Variants in PRKCH observed in about 807,000 individuals in gnomAD.
The protein encoded by PRKCH is protein kinase C eta.
Under a neutral mutation model 82.5 loss-of-function variants are expected in PRKCH, and 28 were observed. The observed-to-expected ratio is 0.34, with a 90% CI of 0.25 to 0.47. PRKCH has a LOEUF of 0.47. Among genes scored for constraint, PRKCH ranks in the 20% least tolerant of loss-of-function variants. PRKCH has a pLI of 1.00. For missense variants in PRKCH, 705 were observed against 881.8 expected (o/e 0.80, Z 2.54); for synonymous variants, 322 against 327.4 (o/e 0.98, Z 0.18).
intron 1 of PRKCH, among the ~76,000 whole-genome samples, chr14:61,376,431 G>C (rs990669675): frequency 2.0e-5 from 3 of 151,986 alleles, no homozygotes; most frequent in African/African-American, 7.3e-5. Context: ...TTATCTTTTT[G>C]TCACACATTT....
intron 1 of PRKCH, among the ~76,000 whole-genome samples, chr14:61,236,727 AAAAAG>A (rs1377923588): frequency 8.5e-6 from 1 of 118,286 alleles, no homozygotes; most frequent in Non-Finnish European, 1.8e-5. Context: ...AAAAAAAAAA[AAAAAG>A]AAAAGAAATG....
intron 1 of PRKCH, among the ~76,000 whole-genome samples, chr14:61,265,864 G>A (rs901038042): frequency 6.6e-6 from 1 of 152,174 alleles, no homozygotes; most frequent in Non-Finnish European, 1.5e-5. Context: ...GAAGGATGAG[G>A]TAGGAGGATC....
At chr14:61,442,346 C>T (rs1013266946) in intron 2 of PRKCH, among the ~76,000 whole-genome samples, 4 of 152,170 alleles carry the variant, frequency 2.6e-5, no homozygotes, top group Admixed American at 2.0e-4. Flanking sequence ...CAGAGGTGAT[C>T]CTGTACCAAT....
intron 1 of PRKCH, among the ~76,000 whole-genome samples, chr14:61,222,077 T>C (rs2044660535): frequency 6.6e-6 from 1 of 152,208 alleles, no homozygotes; most frequent in East Asian, 1.9e-4. Flanking sequence ...CAAAGAGTGC[T>C]GACGCCTGCC....
chr14:61,517,687 C>T (rs750272296), intron 10 of PRKCH, among the ~76,000 whole-genome samples: 1 of 152,188 alleles, frequency 6.6e-6, no homozygotes, highest in Non-Finnish European at 1.5e-5. Context: ...GCCATGTGTC[C>T]AACATAAAGC....
At chr14:61,256,614 G>A (rs1024375541) in intron 1 of PRKCH, among the ~76,000 whole-genome samples, 2 of 152,108 alleles carry the variant, frequency 1.3e-5, no homozygotes, top group African/African-American at 2.4e-5. Flanking sequence ...ATTAATTCAG[G>A]ATTTTCTTTG....
intron 1 of PRKCH, among the ~76,000 whole-genome samples, chr14:61,257,650 C>A (rs374505618): frequency 6.6e-6 from 1 of 150,944 alleles, no homozygotes; most frequent in Non-Finnish European, 1.5e-5. Context: ...CACACACACA[C>A]GCATACACAC....
chr14:61,202,534 G>T (rs531116854), intron 1 of PRKCH, among the ~76,000 whole-genome samples: 167 of 152,288 alleles, frequency 1.1e-3, no homozygotes, highest in African/African-American at 3.8e-3. Flanking sequence ...AAAGCAGTTG[G>T]CACCTCTAGG....
chr14:61,503,354 C>A (rs2245209), intron 10 of PRKCH, among the ~76,000 whole-genome samples: 129,456 of 151,284 alleles, frequency 0.86, 55,407 homozygotes, highest in Middle Eastern at 0.9. Flanking sequence ...AAAAAACAAC[C>A]AAACAGAAAT....
Position 61,352,301 on chromosome 14 carries a change from C to T in PRKCH, c.363+29837C>T, listed in dbSNP as rs75204203. Among the ~76,000 whole-genome samples the T allele has an allele frequency of 2.9e-3, 441 of 152,206 alleles. 3 individuals are homozygous for T. Among genetic ancestry groups the T allele is most frequent in the African/African-American group, 0.01 (423 of 41,530 alleles). On this transcript the variant is annotated intron_variant, in intron 1 of 13. Transcript: ENST00000332981. The stretch of plus-strand genomic sequence containing the variant: ...TCCTTTCCTTAAAATCAGGTTTGTT[C>T]TCATTCTTCTGGTCCCACCCACATC...
intron 1 of PRKCH, among the ~76,000 whole-genome samples, chr14:61,359,632 TA>T (rs1308474544): frequency 1.3e-5 from 2 of 152,220 alleles, no homozygotes; most frequent in Non-Finnish European, 2.9e-5. Context: ...AGATGTAAAC[TA>T]GACTGACCTA....
chr14:61,236,152 G>C (rs546240865), intron 1 of PRKCH, among the ~76,000 whole-genome samples: 5 of 152,140 alleles, frequency 3.3e-5, no homozygotes, highest in Non-Finnish European at 4.4e-5. Context: ...GGCAGATGAC[G>C]TGAGGTCAGG....
intron 1 of PRKCH, among the ~76,000 whole-genome samples, chr14:61,261,232 G>A (rs1389395197): frequency 6.6e-6 from 1 of 152,128 alleles, no homozygotes; most frequent in African/African-American, 2.4e-5. Context: ...AAGCTTTTAG[G>A]AACTTTCATC....
At chr14:61,351,554 C>T (rs573178676) in intron 1 of PRKCH, among the ~76,000 whole-genome samples, 16 of 152,286 alleles carry the variant, frequency 1.1e-4, no homozygotes, top group African/African-American at 2.4e-4. Context: ...CACGAAAGCA[C>T]GCCTGCTTGT....
In PRKCH at chr14:61,475,533, T is replaced by TA. The variant is rs201241447; in HGVS notation, c.1279-9962dup. 1.5e-3 allele frequency among the ~76,000 whole-genome samples: 224 copies of TA among 152,284 alleles called. 4 individuals carry two copies. In the East Asian group the frequency reaches 0.031, roughly 21 times the overall value. On this transcript the variant is annotated intron_variant, in intron 9 of 13. Transcript: ENST00000332981. ...CTGAGAGATGCCTGCTTTACCAGGC[T>TA]AAAAAAATGATCTTTATCATGGCAT... is the stretch of plus-strand genomic sequence containing the variant.
intron 2 of PRKCH, among the ~76,000 whole-genome samples, chr14:61,429,989 A>G (rs550858338): frequency 7.2e-5 from 11 of 152,230 alleles, no homozygotes; most frequent in African/African-American, 2.6e-4. Flanking sequence ...CTTTACCTTC[A>G]GTCTACACAT....
At chr14:61,254,313 G>A (rs186185864) in intron 1 of PRKCH, among the ~76,000 whole-genome samples, 16 of 152,112 alleles carry the variant, frequency 1.1e-4, no homozygotes, top group South Asian at 4.1e-4. Flanking sequence ...AGAAAAAGTC[G>A]TGATAAAAAT....
At chr14:61,361,437 G>A (rs2046223248) in intron 1 of PRKCH, among the ~76,000 whole-genome samples, 1 of 152,166 alleles carries the variant, frequency 6.6e-6, no homozygotes, top group Non-Finnish European at 1.5e-5. Flanking sequence ...AGTTTATTTT[G>A]CTAGTGAAAC....
At chr14:61,531,217 T>C (rs2140009140) in intron 12 of PRKCH, among the ~76,000 whole-genome samples, 1 of 152,348 alleles carries the variant, frequency 6.6e-6, no homozygotes, top group South Asian at 2.1e-4. Context: ...AGGATAAACA[T>C]GTACTGGACG....
Sources: gnomAD v4.1 joint callset for allele counts (sites outside exome capture counted in the v4.1 genomes callset) on GRCh38, gnomAD v4.1.1 for gene constraint, MANE v1.5 for transcripts, NCBI Gene and HGNC (gene_info 2026-07-23, HGNC 2026-07-21) for gene names.